ST7L: variants seen among roughly 807,000 people sequenced by gnomAD.
The protein encoded by ST7L is suppressor of tumorigenicity 7 protein-like.
Under a neutral mutation model 72.5 loss-of-function variants are expected in ST7L, and 57 were observed. The ratio of observed to expected loss-of-function variants is 0.79; its 90% confidence interval spans 0.64 to 0.98. ST7L has a LOEUF of 0.98. Among genes scored for constraint, ST7L ranks in the 50% least tolerant of loss-of-function variants. The pLI is 0.00. For synonymous variants in ST7L, 221 were observed against 240.9 expected, an observed-to-expected ratio of 0.92 and a Z score of 0.77; for missense variants, 576 against 672.2, an observed-to-expected ratio of 0.86 and a Z score of 1.58.
At chr1:112,554,779 A>G (rs1419319014) in intron 12 of ST7L, among the ~76,000 whole-genome samples, 1 of 152,238 alleles carries the variant, frequency 6.6e-6, no homozygotes, top group African/African-American at 2.4e-5. Flanking sequence ...TGTGATATAT[A>G]CATACAATGA....
chr1:112,560,619 C>A (rs1462365144), intron 11 of ST7L, among the ~76,000 whole-genome samples: 1 of 152,088 alleles, frequency 6.6e-6, no homozygotes, highest in East Asian at 1.9e-4. Context: ...AAACCATATC[C>A]TTAAAATTCT....
At chr1:112,619,157 C>A, upstream of ST7L, 1 of 1,589,810 alleles carries the variant, frequency 6.3e-7, no homozygotes, top group Non-Finnish European at 8.6e-7. Context: ...GGGAGAAGGA[C>A]AGGAAACCGG....
In ST7L at chr1:112,525,995, A is replaced by C; in HGVS notation, c.*18T>G. ...AAAATTTGGTGATTTGTCCAAGGTC[A>C]CATGAACAGTGCGTGGCTCAGCCAG... On this transcript the variant is annotated 3_prime_UTR_variant, in exon 15 of 15. Coordinates refer to ENST00000358039, the MANE Select transcript of ST7L (RefSeq NM_017744.5). 1 of 1,613,952 alleles carries C rather than the reference A, an allele frequency of 6.2e-7. No individual in the cohort carries two copies.
At chr1:112,581,885 A>T (rs528948626) in intron 9 of ST7L, 107 bp downstream of exon 9, 11 of 796,206 alleles carry the variant, frequency 1.4e-5, no homozygotes, top group Non-Finnish European at 2.3e-5. Flanking sequence ...CTAAATACTG[A>T]CTGGTAAGAA....
chr1:112,615,507 T>C (rs1038984547), intron 2 of ST7L, among the ~76,000 whole-genome samples: 1 of 152,200 alleles, frequency 6.6e-6, no homozygotes, highest in African/African-American at 2.4e-5. Context: ...CTTCCCAATG[T>C]TGCCAATATT....
rs753164918 is a variant in ST7L at position 112,578,412 on chromosome 1, T to G, written c.1075A>C (p.Ser359Arg). ...CAGATTGCTGCTGACTTTGGAAGGCTTATATCTGTAACGATAATTTTCAAT... is the reference window on the plus strand; with the variant it reads ...CAGATTGCTGCTGACTTTGGAAGGCGTATATCTGTAACGATAATTTTCAAT... The part of the protein sequence containing the change: ...QAVLAKYDDI[S>R]LPKSAAICYT... The change falls in exon 10 of 15, where the codon AGC becomes CGC. Residue 359 changes from serine to arginine, a missense_variant. Ser to Arg is a moderately radical substitution (Grantham distance 110). Coordinates refer to ENST00000358039, the MANE Select transcript of ST7L (RefSeq NM_017744.5). 2.5e-6 allele frequency: 4 copies of G among 1,613,954 alleles called. No homozygotes were observed.
At chr1:112,519,479 T>C (rs922200204), downstream of ST7L, among the ~76,000 whole-genome samples, 4 of 152,086 alleles carry the variant, frequency 2.6e-5, no homozygotes, top group Non-Finnish European at 1.5e-5. Flanking sequence ...TGGGCCCAAC[T>C]CATCCAAAAG....
intron 14 of ST7L, chr1:112,530,094 T>C (rs1654123418): frequency 6.6e-6 from 1 of 152,222 alleles, no homozygotes; most frequent in Admixed American, 6.5e-5. Flanking sequence ...CCAGTAGGTG[T>C]GACAAGCTCA....
chr1:112,571,302 T>C (rs1216911175), intron 11 of ST7L: 1 of 456,394 alleles, frequency 2.2e-6, no homozygotes. Flanking sequence ...AATAGCTGAA[T>C]TGTCAACTGC....
In ST7L at chr1:112,602,953, C is replaced by T. The variant is rs1445849264; in HGVS notation, c.452-2105G>A. 5.3e-5 allele frequency among the ~76,000 whole-genome samples: 8 copies of T among 151,878 alleles called. No homozygotes were observed. The South Asian group carries it at 1.2e-3, about 24-fold the overall frequency. On this transcript the variant is annotated intron_variant, in intron 3 of 14. Coordinates refer to ENST00000358039, the MANE Select transcript of ST7L (RefSeq NM_017744.5). ...CAGGATGGTCTTGATCTGCTGACCT[C>T]GTGATCCACCCGTCTCGGCCTCCCA... is the stretch of plus-strand genomic sequence containing the variant.
intron 11 of ST7L, among the ~76,000 whole-genome samples, chr1:112,572,691 C>G (rs1180929742): frequency 6.6e-6 from 1 of 151,734 alleles, no homozygotes. Flanking sequence ...GTCTGGGCAA[C>G]ATGTGGAGAT....
At chr1:112,551,423 C>T (rs1021994286) in intron 12 of ST7L, among the ~76,000 whole-genome samples, 1 of 152,170 alleles carries the variant, frequency 6.6e-6, no homozygotes, top group South Asian at 2.1e-4. Context: ...GCTGGGATTA[C>T]AGGTGTGAGC....
chr1:112,536,434 T>C (rs1655220501), intron 14 of ST7L, among the ~76,000 whole-genome samples: 1 of 152,138 alleles, frequency 6.6e-6, no homozygotes, highest in Non-Finnish European at 1.5e-5. Flanking sequence ...AAGATCAATC[T>C]TTTCCCTGAA....
intron 13 of ST7L, among the ~76,000 whole-genome samples, chr1:112,548,217 G>C (rs574812740): frequency 3.9e-5 from 6 of 152,160 alleles, no homozygotes; most frequent in Non-Finnish European, 8.8e-5. Context: ...AATTAGCTGG[G>C]CGTGATGGTG....
chr1:112,528,471 A>T (rs1485156547), intron 14 of ST7L: 1 of 152,198 alleles, frequency 6.6e-6, no homozygotes, highest in Non-Finnish European at 1.5e-5. Context: ...CACAAGGATG[A>T]GTCCATTTGT....
intron 14 of ST7L, chr1:112,527,477 T>A (rs746977358): frequency 2.0e-5 from 3 of 152,698 alleles, no homozygotes; most frequent in Admixed American, 6.5e-5. Flanking sequence ...CACAGCCCCA[T>A]GAGGCCACAC....
In ST7L at chr1:112,540,764, C is replaced by G. The variant is rs535373047; in HGVS notation, c.1629+1187G>C. On this transcript the variant is annotated intron_variant, in intron 14 of 14. Coordinates refer to ENST00000358039, the MANE Select transcript of ST7L (RefSeq NM_017744.5). ...GAATGGAGGCATATAGAGAAAAATA[C>G]AGAAAATACATTACCAAGTAAGGAC... 11 of 1,268,140 alleles carry G rather than the reference C, an allele frequency of 8.7e-6. No individual in the cohort carries two copies. In the African/African-American group the frequency reaches 1.7e-4, roughly 20 times the overall value. 78.6% of individuals were successfully genotyped at this position (1,268,140 alleles called of 1,614,324 possible).
chr1:112,555,541 G>A (rs1299118296), intron 12 of ST7L, among the ~76,000 whole-genome samples: 3 of 152,068 alleles, frequency 2.0e-5, no homozygotes, highest in Admixed American at 6.5e-5. Context: ...CTCCAGCCTG[G>A]GGGACAGAGT....
In ST7L at chr1:112,547,561, C is replaced by CTTTTTTTTTTT. The variant is rs59755766; in HGVS notation, c.1489+3029_1489+3039dup. On this transcript the variant is annotated intron_variant, in intron 13 of 14. Transcript: ENST00000358039. ...ACACATTGTCTGTCATCTTTGTCAT[C>CTTTTTTTTTTT]TTTTTTTTTTTTTTTTTTTTTTTTT... is the stretch of plus-strand genomic sequence containing the variant. 1.8e-4 allele frequency among the ~76,000 whole-genome samples: 11 copies of CTTTTTTTTTTT among 62,028 alleles called. 2 individuals are homozygous for CTTTTTTTTTTT. The highest frequency in any genetic ancestry group is 7.0e-4 in the African/African-American group (11 of 15,640). 40.7% of individuals were successfully genotyped at this position (62,028 alleles called of 152,430 possible).
Sources: allele counts gnomAD v4.1 joint callset (sites outside exome capture counted in the v4.1 genomes callset), GRCh38; gene constraint gnomAD v4.1.1; transcripts MANE v1.5; gene names NCBI Gene and HGNC (gene_info 2026-07-23, HGNC 2026-07-21).